Variants in SYN2 observed in about 807,000 individuals in gnomAD.
SYN2 encodes the protein synapsin II.
Under a neutral mutation model 50.9 loss-of-function variants are expected in SYN2, and 19 were observed. The ratio of observed to expected loss-of-function variants is 0.37; its 90% CI spans 0.26 to 0.55. SYN2 has a LOEUF of 0.55. Ranked by LOEUF, SYN2 falls within the 20% of genes least tolerant of loss-of-function variation. The pLI, the probability that SYN2 is intolerant of heterozygous loss-of-function variation, is 0.81. For synonymous variants in SYN2, 255 were observed against 224.9 expected (o/e 1.13, Z -1.20); for missense variants, 587 against 576.4 (o/e 1.02, Z -0.19).
At chr3:12,052,220 GTAT>G (rs1467348680) in intron 1 of SYN2, among the ~76,000 whole-genome samples, 4 of 152,164 alleles carry the variant, frequency 2.6e-5, no homozygotes, top group African/African-American at 9.6e-5. Context: ...TATCTGTAAA[GTAT>G]TATTCAGATT....
intron 1 of SYN2, among the ~76,000 whole-genome samples, chr3:12,035,971 T>G (rs1694490728): frequency 6.6e-6 from 1 of 152,190 alleles, no homozygotes; most frequent in Admixed American, 6.5e-5. Flanking sequence ...AACCAAACAT[T>G]TTATGGCTCT....
chr3:12,156,776 C>T (rs776485206), intron 5 of SYN2: 108 of 1,516,226 alleles, frequency 7.1e-5, no homozygotes, highest in Non-Finnish European at 9.3e-5. Context: ...TCCCCTAGGG[C>T]AGAATCTATT....
At chr3:12,101,511 G>A (rs1162828186) in intron 1 of SYN2, among the ~76,000 whole-genome samples, 1 of 152,078 alleles carries the variant, frequency 6.6e-6, no homozygotes, top group East Asian at 1.9e-4. Context: ...ACTGCTGTTG[G>A]GCACTTGGTT....
chr3:12,140,835 C>G, intron 2 of SYN2, 127 bp downstream of exon 2: 1 of 694,190 alleles, frequency 1.4e-6, no homozygotes, highest in African/African-American at 1.8e-5. Context: ...CTCTGCATCT[C>G]CTCTCTCTCC....
intron 1 of SYN2, among the ~76,000 whole-genome samples, chr3:12,018,153 A>G (rs7632422): frequency 0.091 from 13,778 of 152,204 alleles, 2,049 homozygotes; most frequent in African/African-American, 0.31. Flanking sequence ...TGTGGGTTCT[A>G]TAGGTTCTGT....
chr3:12,057,282 ACTGT>A (rs1553611277), intron 1 of SYN2, among the ~76,000 whole-genome samples: 1 of 48,114 alleles, frequency 2.1e-5, no homozygotes. Context: ...ACAAGGCAAG[ACTGT>A]CTGTGTGTGT....
intron 1 of SYN2, among the ~76,000 whole-genome samples, chr3:12,136,234 A>C (rs1431900482): frequency 1.3e-5 from 2 of 152,234 alleles, no homozygotes; most frequent in African/African-American, 2.4e-5. Context: ...TATTTGCATA[A>C]ATTTCAGCAT....
chr3:12,108,398 A>G lies in SYN2; in HGVS notation c.378-32253A>G, dbSNP rs145351952. Among the ~76,000 whole-genome samples the G allele has an allele frequency of 8.0e-3, 1,217 of 152,274 alleles. 13 individuals are homozygous for G. The highest frequency in any genetic ancestry group is 0.011 in the South Asian group (55 of 4,830). On this transcript the variant is annotated intron_variant, in intron 1 of 12. Transcript: ENST00000621198. ...CTCACTTCTGTGCTTTTCTCACTAT[A>G]ATACGGTTCTTAACAAACTGATAAA...
intron 1 of SYN2, among the ~76,000 whole-genome samples, chr3:12,059,839 C>T (rs2125161373): frequency 6.6e-6 from 1 of 152,234 alleles, no homozygotes; most frequent in East Asian, 1.9e-4. Context: ...CCTGCTCTGT[C>T]TCAATTCCTC....
chr3:12,076,746 A>G (rs1159538785), intron 1 of SYN2, among the ~76,000 whole-genome samples: 1 of 152,154 alleles, frequency 6.6e-6, no homozygotes, highest in African/African-American at 2.4e-5. Flanking sequence ...ATGGCTCATT[A>G]GTGATAGAAC....
At chr3:12,161,850 G>T (rs917029426) in intron 6 of SYN2, 162 bp from the exon 7 acceptor site, 1 of 1,115,376 alleles carries the variant, frequency 9.0e-7, no homozygotes, top group East Asian at 2.6e-5. Flanking sequence ...GTTCTGGGAA[G>T]GGAAGCTAGG....
intron 1 of SYN2, among the ~76,000 whole-genome samples, chr3:12,135,684 C>A (rs753257173): frequency 6.6e-6 from 1 of 152,148 alleles, no homozygotes; most frequent in Non-Finnish European, 1.5e-5. Context: ...AAGGAAAGAA[C>A]TTGACCCTCA....
At chr3:12,046,003 A>G (rs1326893249) in intron 1 of SYN2, among the ~76,000 whole-genome samples, 2 of 152,158 alleles carry the variant, frequency 1.3e-5, no homozygotes, top group Non-Finnish European at 1.5e-5. Context: ...AAAGGAACCC[A>G]TATTTCTCCT....
At chr3:12,085,377 A>ACACG (rs1320291272) in intron 1 of SYN2, among the ~76,000 whole-genome samples, 1 of 151,068 alleles carries the variant, frequency 6.6e-6, no homozygotes, top group Admixed American at 6.6e-5. Flanking sequence ...ACACACACAC[A>ACACG]CACGCACGCA....
At chr3:12,016,147 A>C (rs2125133075) in intron 1 of SYN2, among the ~76,000 whole-genome samples, 1 of 152,348 alleles carries the variant, frequency 6.6e-6, no homozygotes, top group Non-Finnish European at 1.5e-5. Context: ...ATGCAACTGT[A>C]GCAATACATA....
chr3:12,161,729 A>AC, intron 6 of SYN2, 121 bp downstream of exon 6: 1 of 1,254,804 alleles, frequency 8.0e-7, no homozygotes. Context: ...AGAGAAGATG[A>AC]TTTGCCACCT....
At chr3:12,154,545 C>A in intron 5 of SYN2, 1 of 1,457,516 alleles carries the variant, frequency 6.9e-7, no homozygotes, top group Non-Finnish European at 9.3e-7. Flanking sequence ...TTGCAGCCTC[C>A]CCAATGACTT....
intron 1 of SYN2, among the ~76,000 whole-genome samples, chr3:12,009,838 C>T (rs764729442): frequency 3.3e-5 from 5 of 152,180 alleles, no homozygotes; most frequent in African/African-American, 7.2e-5. Flanking sequence ...CGGTGGCTCA[C>T]GCCTGTAATC....
chr3:12,094,797 TCCC>T (rs976491029), intron 1 of SYN2, among the ~76,000 whole-genome samples: 1 of 152,150 alleles, frequency 6.6e-6, no homozygotes, highest in African/African-American at 2.4e-5. Flanking sequence ...AAAGCATGAC[TCCC>T]AGGTGTCATC....
Sources: allele counts gnomAD v4.1 joint callset (sites outside exome capture counted in the v4.1 genomes callset), GRCh38; gene constraint gnomAD v4.1.1; transcripts MANE v1.5; gene names NCBI Gene and HGNC (gene_info 2026-07-23, HGNC 2026-07-21).